Variants in RAB28 observed in about 807,000 individuals in gnomAD.
RAB28 encodes RAB28, member RAS oncogene family, also known as ras-related protein Rab-28.
RAB28 carries 24 observed loss-of-function variants against 31.7 expected under a neutral mutation model. That is an observed-to-expected ratio of 0.76 (90% CI 0.55 to 1.06). RAB28 has a LOEUF of 1.06. Ranked by LOEUF, RAB28 falls within the 50% of genes least tolerant of loss-of-function variation. RAB28 has a pLI of 0.00. For missense variants in RAB28, 254 were observed against 258.5 expected (o/e 0.98, Z 0.12); for synonymous variants, 100 against 90.4 (o/e 1.11, Z -0.60).
chr4:13,451,671 G>A (rs1048672579), intron 4 of RAB28, among the ~76,000 whole-genome samples: 2 of 151,796 alleles, frequency 1.3e-5, no homozygotes, highest in African/African-American at 4.8e-5. Flanking sequence ...ATGTCCTGAA[G>A]TGTTTTCTCT....
chr4:13,399,910 T>A (rs950913456), intron 4 of RAB28, among the ~76,000 whole-genome samples: 1 of 152,220 alleles, frequency 6.6e-6, no homozygotes, highest in Non-Finnish European at 1.5e-5. Flanking sequence ...ATATCCCATA[T>A]TTAAATTTAG....
chr4:13,390,362 A>G (rs532925668), intron 4 of RAB28, among the ~76,000 whole-genome samples: 1 of 152,140 alleles, frequency 6.6e-6, no homozygotes, highest in South Asian at 2.1e-4. Flanking sequence ...GATGTGAAGG[A>G]CCTCTTTACC....
At chr4:13,382,662 C>T (rs1197409631) in intron 4 of RAB28, among the ~76,000 whole-genome samples, 4 of 149,816 alleles carry the variant, frequency 2.7e-5, no homozygotes, top group South Asian at 4.3e-4. Flanking sequence ...TCCTGAGCCC[C>T]ATTTATATTG....
chr4:13,450,595 A>G (rs897162405), intron 4 of RAB28, among the ~76,000 whole-genome samples: 1 of 151,962 alleles, frequency 6.6e-6, no homozygotes, highest in Non-Finnish European at 1.5e-5. Flanking sequence ...AAGTGATGAG[A>G]TCCTTAGCTT....
intron 1 of RAB28, among the ~76,000 whole-genome samples, chr4:13,482,958 A>G (rs1039979444): frequency 3.9e-5 from 6 of 152,234 alleles, no homozygotes. Context: ...AACCAGCAAC[A>G]GGGAAATGTG....
chr4:13,483,223 C>T (rs985808653), intron 1 of RAB28, among the ~76,000 whole-genome samples: 1 of 152,266 alleles, frequency 6.6e-6, no homozygotes, highest in Admixed American at 6.5e-5. Flanking sequence ...TCAGGAGTTC[C>T]ACAGCCTTGG....
chr4:13,468,538 T>G lies in RAB28; in HGVS notation c.261+5780A>C, dbSNP rs560916820. Among the ~76,000 whole-genome samples, 4 of 151,240 alleles carry G rather than the reference T, an allele frequency of 2.6e-5. No homozygotes were observed. The East Asian group carries it at 7.8e-4, about 29-fold the overall frequency. ...TAGTTTGAACCAAAAAAAAAACATA[T>G]GCAACCTACCAAAACTTGTGGAATA... On this transcript the variant is annotated intron_variant, in intron 3 of 6. Coordinates refer to ENST00000330852, the MANE Select transcript of RAB28 (RefSeq NM_001017979.3).
chr4:13,473,918 A>T, intron 3 of RAB28: 1 of 362,640 alleles, frequency 2.8e-6, no homozygotes, highest in Non-Finnish European at 5.4e-6. Context: ...ATAGACATAT[A>T]GATATACTTT....
At chr4:13,421,021 A>C (rs1713104785) in intron 4 of RAB28, among the ~76,000 whole-genome samples, 2 of 152,226 alleles carry the variant, frequency 1.3e-5, no homozygotes, top group Admixed American at 1.3e-4. Context: ...ATCTCAGCCC[A>C]AAATCTCCTT....
intron 3 of RAB28, among the ~76,000 whole-genome samples, chr4:13,462,054 A>G (rs1224992537): frequency 6.6e-6 from 1 of 152,236 alleles, no homozygotes; most frequent in Admixed American, 6.5e-5. Flanking sequence ...AACTCCAAGC[A>G]TTGTGCTGGA....
intron 4 of RAB28, among the ~76,000 whole-genome samples, chr4:13,424,459 T>C (rs903169026): frequency 2.0e-5 from 3 of 152,218 alleles, no homozygotes; most frequent in Admixed American, 6.5e-5. Flanking sequence ...TCGTAAGTCA[T>C]TGGATTTAGG....
At chr4:13,438,455 C>T (rs564257957) in intron 4 of RAB28, among the ~76,000 whole-genome samples, 14 of 152,236 alleles carry the variant, frequency 9.2e-5, no homozygotes, top group Admixed American at 2.6e-4. Context: ...TTCTCCTCAG[C>T]CCCAACCTAC....
At chr4:13,450,837 T>C (rs1467627272) in intron 4 of RAB28, among the ~76,000 whole-genome samples, 2 of 151,634 alleles carry the variant, frequency 1.3e-5, no homozygotes, top group Admixed American at 1.3e-4. Flanking sequence ...AAATTCTAAG[T>C]ATGATACAAA....
intron 4 of RAB28, among the ~76,000 whole-genome samples, chr4:13,397,911 A>G (rs1711518350): frequency 6.6e-6 from 1 of 152,106 alleles, no homozygotes; most frequent in African/African-American, 2.4e-5. Context: ...AAACCAACCT[A>G]TAAGGATTCT....
At chr4:13,405,645 T>A (rs759954040) in intron 4 of RAB28, among the ~76,000 whole-genome samples, 4 of 152,158 alleles carry the variant, frequency 2.6e-5, no homozygotes, top group Non-Finnish European at 4.4e-5. Flanking sequence ...AATATTGTAA[T>A]CATGGGAGAG....
chr4:13,477,874 CATCAT>C (rs1163461168), intron 2 of RAB28, among the ~76,000 whole-genome samples: 1 of 151,428 alleles, frequency 6.6e-6, no homozygotes, highest in Non-Finnish European at 1.5e-5. Flanking sequence ...GGTCAGAAAT[CATCAT>C]ATCACCTGTA....
Position 13,383,309 on chromosome 4 carries a change from G to T in RAB28, c.392-1715C>A, listed in dbSNP as rs189186768. On this transcript the variant is annotated intron_variant, in intron 4 of 6. Transcript: ENST00000330852. ...AAATAAATAAATAAAAATAAAAGTT[G>T]TGTCACTTAATGTGTGTGTACATTT... Among the ~76,000 whole-genome samples the T allele has an allele frequency of 1.4e-3, 219 of 152,210 alleles. 2 individuals carry two copies. Among genetic ancestry groups the T allele is most frequent in the African/African-American group, 5.1e-3 (210 of 41,534 alleles).
chr4:13,421,392 C>G (rs947227864), intron 4 of RAB28, among the ~76,000 whole-genome samples: 1 of 151,982 alleles, frequency 6.6e-6, no homozygotes, highest in Non-Finnish European at 1.5e-5. Context: ...CTTCACAGAA[C>G]TGGAAAAAAC....
chr4:13,377,006 C>T (rs1161915735), intron 5 of RAB28, among the ~76,000 whole-genome samples: 1 of 152,082 alleles, frequency 6.6e-6, no homozygotes, highest in Non-Finnish European at 1.5e-5. Context: ...TTTTCACTGT[C>T]GGTTTTATCT....
Sources: gnomAD v4.1 joint callset for allele counts (sites outside exome capture counted in the v4.1 genomes callset) on GRCh38, gnomAD v4.1.1 for gene constraint, MANE v1.5 for transcripts, NCBI Gene and HGNC (gene_info 2026-07-23, HGNC 2026-07-21) for gene names.